The following SANBR variants were observed in gnomAD, a reference collection of about 807,000 sequenced individuals.
The protein encoded by SANBR is SANT and BTB domain regulator of class switch recombination.
In SANBR, 77 loss-of-function variants were observed where a neutral mutation model predicts 101.8. The ratio of observed to expected loss-of-function variants is 0.76; its 90% CI spans 0.63 to 0.91. The LOEUF (loss-of-function observed/expected upper bound fraction) is 0.91. Ranked by LOEUF, SANBR falls within the 40% of genes least tolerant of loss-of-function variation. SANBR has a pLI of 0.00. For synonymous variants in SANBR, 279 were observed against 274.7 expected (o/e 1.02, Z -0.15); for missense variants, 875 against 853.0 (o/e 1.03, Z -0.32).
intron 11 of SANBR, among the ~76,000 whole-genome samples, chr2:61,095,306 C>T (rs926924676): frequency 1.4e-4 from 21 of 152,104 alleles, no homozygotes; most frequent in African/African-American, 4.8e-4. Flanking sequence ...TTATAGAGCT[C>T]ATAAACTCAT....
chr2:61,121,102 A>G, intron 20 of SANBR, 83 bp from the exon 21 acceptor site: 1 of 974,670 alleles, frequency 1.0e-6, no homozygotes, highest in South Asian at 1.6e-5. Context: ...AATTACTTCT[A>G]AATTAAAAAG....
chr2:61,121,306 C>T (rs1279491828), intron 21 of SANBR, 30 bp downstream of exon 21: 7 of 1,486,912 alleles, frequency 4.7e-6, no homozygotes, highest in Non-Finnish European at 6.4e-6. Context: ...ACCAGAGTGT[C>T]AGTGGCTTTG....
chr2:61,107,904 C>T (rs2104941487), intron 14 of SANBR, among the ~76,000 whole-genome samples: 1 of 151,682 alleles, frequency 6.6e-6, no homozygotes, highest in Middle Eastern at 3.4e-3. Context: ...AAAAAATTCA[C>T]ACATTAACAT....
chr2:61,127,011 TCATC>T (rs1214671498), downstream of SANBR, among the ~76,000 whole-genome samples: 1 of 152,182 alleles, frequency 6.6e-6, no homozygotes, highest in Non-Finnish European at 1.5e-5. Context: ...TATAAAATAT[TCATC>T]CAAGTCACTC....
intron 5 of SANBR, among the ~76,000 whole-genome samples, chr2:61,076,682 A>C (rs1021835621): frequency 2.0e-5 from 3 of 151,848 alleles, no homozygotes; most frequent in Non-Finnish European, 4.4e-5. Context: ...TGTGTAAATT[A>C]TTTGTCCTGT....
intron 10 of SANBR, 85 bp from the exon 11 acceptor site, chr2:61,092,379 C>A: frequency 9.5e-7 from 1 of 1,057,322 alleles, no homozygotes; most frequent in Admixed American, 3.1e-5. Flanking sequence ...AGTGAAACTC[C>A]ATCTCAAAGA....
At chr2:61,111,787 A>G (rs1268873395) in intron 16 of SANBR, among the ~76,000 whole-genome samples, 3 of 152,242 alleles carry the variant, frequency 2.0e-5, no homozygotes, top group Admixed American at 2.0e-4. Context: ...AGGGTTTCAT[A>G]TGAATGGAAT....
At chr2:61,126,554 G>A (rs1248578236), downstream of SANBR, among the ~76,000 whole-genome samples, 1 of 152,062 alleles carries the variant, frequency 6.6e-6, no homozygotes, top group Non-Finnish European at 1.5e-5. Flanking sequence ...TGTAATCCCA[G>A]CACTTTGGGA....
chr2:61,137,999 A>T (rs1053135349), exon 22 of SANBR: 1 of 152,192 alleles, frequency 6.6e-6, no homozygotes, highest in African/African-American at 2.4e-5. Flanking sequence ...AATGTATTCT[A>T]TTAATCTACT....
intron 8 of SANBR, among the ~76,000 whole-genome samples, chr2:61,087,712 A>G (rs1187983872): frequency 6.6e-6 from 1 of 151,996 alleles, no homozygotes; most frequent in Non-Finnish European, 1.5e-5. Context: ...TTTGCTGGGC[A>G]TGGTCATGCA....
intron 20 of SANBR, among the ~76,000 whole-genome samples, chr2:61,133,381 T>G (rs1684747212): frequency 6.6e-6 from 1 of 152,182 alleles, no homozygotes; most frequent in Non-Finnish European, 1.5e-5. Context: ...AAGGTGATGG[T>G]TGCACAACAT....
Position 61,123,155 on chromosome 2 carries a change from T to C in SANBR, c.*993T>C. 5.1e-6 allele frequency: 5 copies of C among 981,582 alleles called. No individual in the cohort carries two copies. Among genetic ancestry groups the C allele is most frequent in the Non-Finnish European group, 6.1e-6 (5 of 826,282 alleles). 60.8% of individuals were successfully genotyped at this position (981,582 alleles called of 1,614,324 possible). A position where few individuals can be genotyped will look rare whatever the true frequency, so the allele number is the denominator to read the frequency against. Reference sequence around the variant, plus strand: ...AGGCAGAAAGAGTGCTCAGGGAAAATTTGTTCCAAACTATAACCATATAAT... The same window carrying C: ...AGGCAGAAAGAGTGCTCAGGGAAAACTTGTTCCAAACTATAACCATATAAT... On this transcript the variant is annotated 3_prime_UTR_variant, in exon 22 of 22. Coordinates refer to ENST00000402291, the MANE Select transcript of SANBR (RefSeq NM_001129993.3).
intron 13 of SANBR, among the ~76,000 whole-genome samples, chr2:61,105,397 G>T (rs1198814475): frequency 1.3e-5 from 2 of 151,334 alleles, no homozygotes; most frequent in Non-Finnish European, 2.9e-5. Flanking sequence ...TTGGAGTTTC[G>T]CTCTTGTTGC....
chr2:61,134,132 TACAG>T lies in SANBR; in HGVS notation c.2032_2035del. 15 of 1,614,118 alleles carry T rather than the reference TACAG, an allele frequency of 9.3e-6. No individual in the cohort carries two copies. The Admixed American group carries it at 2.3e-4, about 25-fold the overall frequency. ...AGGGTAGTGTTATTATCTGCTTTTT[TACAG>T]ACAGACAAACTGAGACCCAGAGACG... On this transcript the variant is annotated splice_acceptor_variant and splice_polypyrimidine_tract_variant and intron_variant, in intron 20 of 21. Transcript: ENST00000295031. LOFTEE classifies it high-confidence loss of function.
intron 20 of SANBR, 22 bp downstream of exon 20, chr2:61,118,138 A>G: frequency 6.6e-7 from 1 of 1,509,600 alleles, no homozygotes; most frequent in Non-Finnish European, 9.1e-7. Flanking sequence ...GTACTAGTGT[A>G]TTGTACTTGT....
chr2:61,084,168 G>C (rs1194681059), intron 8 of SANBR, among the ~76,000 whole-genome samples: 1 of 152,038 alleles, frequency 6.6e-6, no homozygotes, highest in Admixed American at 6.6e-5. Flanking sequence ...TGCCCAGCCT[G>C]GTCTTGAACT....
intron 12 of SANBR, among the ~76,000 whole-genome samples, chr2:61,101,879 A>C (rs1683303169): frequency 1.3e-5 from 2 of 151,526 alleles, no homozygotes; most frequent in Admixed American, 1.3e-4. Context: ...CTCTACTAAA[A>C]ATACAAAAGT....
Position 61,116,065 on chromosome 2 carries a change from G to A in SANBR, c.1831G>A (p.Glu611Lys). 1 of 1,602,206 alleles carries A rather than the reference G, an allele frequency of 6.2e-7. No homozygotes were observed. Among genetic ancestry groups the A allele is most frequent in the Non-Finnish European group, 8.5e-7 (1 of 1,173,526 alleles). ...PCAQRKEKAL[E>K]KSASRDVSPF... is the part of the protein sequence containing the mutation. ...TGCCCAGAGGAAAGAAAAGGCATTG[G>A]AGAAGGTAACTCTGAATTATCTGTT... Residue 611 changes from glutamate to lysine, a missense_variant, in exon 17 of 22, where the codon GAG (glutamate) becomes AAG (lysine). By Grantham distance (56) the Glu-to-Lys change is moderately conservative (BLOSUM62 1). Coordinates refer to ENST00000402291, the MANE Select transcript of SANBR (RefSeq NM_001129993.3).
At position 61,106,567 on chromosome 2, in the gene SANBR, G is replaced by T. The variant is rs1406171045; in HGVS notation, c.1516G>T (p.Val506Phe). Reference protein sequence around the residue: ...VPFSKDTVSDVGVGLCDEKGI... With the variant: ...VPFSKDTVSDFGVGLCDEKGI... ...AAAATGTCTTTTTCTTTCAAGTGAT[G>T]TTGGGGTTGGCCTCTGTGATGAAAA... is the stretch of plus-strand genomic sequence containing the variant. Residue 506 changes from valine to phenylalanine, a missense_variant, in exon 14 of 22, where the codon GTT (valine) becomes TTT (phenylalanine). By Grantham distance (50) the Val-to-Phe change is conservative. Transcript: ENST00000402291. 1 of 1,588,878 alleles carries T rather than the reference G, an allele frequency of 6.3e-7. No homozygotes were observed. The highest frequency in any genetic ancestry group is 1.4e-5 in the African/African-American group (1 of 73,514).
Sources: allele counts gnomAD v4.1 joint callset (sites outside exome capture counted in the v4.1 genomes callset), GRCh38; gene constraint gnomAD v4.1.1; transcripts MANE v1.5; gene names NCBI Gene and HGNC (gene_info 2026-07-23, HGNC 2026-07-21).